Variants in GABBR2 observed in about 807,000 individuals in gnomAD.
GABBR2 encodes the protein gamma-aminobutyric acid type B receptor subunit 2.
GABBR2 carries 23 observed loss-of-function variants against 105.6 expected under a neutral mutation model. The observed-to-expected ratio is 0.22, with a 90% CI of 0.16 to 0.31. The LOEUF (loss-of-function observed/expected upper bound fraction) is 0.31. Among genes scored for constraint, GABBR2 ranks in the 10% least tolerant of loss-of-function variants. The pLI is 1.00. For missense variants in GABBR2, 734 were observed against 1,245.5 expected (o/e 0.59, Z 6.18); for synonymous variants, 478 against 499.7 (o/e 0.96, Z 0.58).
At chr9:98,539,277 T>C (rs562645070) in intron 3 of GABBR2, among the ~76,000 whole-genome samples, 1 of 152,352 alleles carries the variant, frequency 6.6e-6, no homozygotes, top group Admixed American at 6.5e-5. Context: ...TTTGGGAATC[T>C]ATAAGGCACA....
At position 98,523,937 on chromosome 9, in the gene GABBR2, C is replaced by T. The variant is rs140635248; in HGVS notation, c.630+17936G>A. ...GAATTTAAGATGTTAATAACAATTA[C>T]ATCAATAAAAGAAGCAAACTATCTA... On this transcript the variant is annotated intron_variant, in intron 3 of 18. Coordinates refer to ENST00000259455, the MANE Select transcript of GABBR2 (RefSeq NM_005458.8). Among the ~76,000 whole-genome samples, 77 of 151,974 alleles carry T rather than the reference C, an allele frequency of 5.1e-4. 1 individual carries two copies. Among genetic ancestry groups the T allele is most frequent in the African/African-American group, 1.5e-3 (63 of 41,420 alleles).
intron 1 of GABBR2, among the ~76,000 whole-genome samples, chr9:98,595,115 G>A (rs760124192): frequency 7.9e-5 from 12 of 152,062 alleles, no homozygotes; most frequent in Non-Finnish European, 1.2e-4. Context: ...ATTTCCCACC[G>A]TTCTGGAGGC....
At chr9:98,293,122 T>C (rs1830327163) in intron 18 of GABBR2, among the ~76,000 whole-genome samples, 1 of 152,228 alleles carries the variant, frequency 6.6e-6, no homozygotes, top group Admixed American at 6.5e-5. Context: ...TCAAAGTTTG[T>C]ATTTCCAGCT....
intron 3 of GABBR2, among the ~76,000 whole-genome samples, chr9:98,524,697 C>G (rs146563155): frequency 3.3e-5 from 5 of 152,292 alleles, no homozygotes; most frequent in African/African-American, 1.2e-4. Flanking sequence ...ATCTTGTCAG[C>G]TCTACTGTCA....
At chr9:98,556,322 C>T (rs1036588645) in intron 2 of GABBR2, among the ~76,000 whole-genome samples, 1 of 152,150 alleles carries the variant, frequency 6.6e-6, no homozygotes, top group Admixed American at 6.5e-5. Context: ...GGGCACCTCA[C>T]AGCCCCAATC....
At position 98,514,403 on chromosome 9, in the gene GABBR2, A is replaced by G. The variant is rs1827716067; in HGVS notation, c.631-17889T>C. ...CATGTACCCTAAAACTTAAAGTATAATAATAATAATAATAATAATAAAAAA... is the reference window on the plus strand; with the variant it reads ...CATGTACCCTAAAACTTAAAGTATAGTAATAATAATAATAATAATAAAAAA... On this transcript the variant is annotated intron_variant, in intron 3 of 18. Coordinates refer to ENST00000259455, the MANE Select transcript of GABBR2 (RefSeq NM_005458.8). Among the ~76,000 whole-genome samples, 2 of 2,452 alleles carry G rather than the reference A, an allele frequency of 8.2e-4. 1 individual carries two copies. The highest frequency in any genetic ancestry group is 1.3e-3 in the Non-Finnish European group (2 of 1,568). The allele number at this position is 2,452 out of a possible 152,430, so 1.6% of individuals were successfully genotyped here.
intron 1 of GABBR2, chr9:98,606,953 GGCTCCGCCTGCATCCAAACCGCT>G (rs1395575209): frequency 2.7e-6 from 2 of 730,330 alleles, no homozygotes; most frequent in African/African-American, 3.5e-5. Flanking sequence ...GCTTGCCCGC[GGCTCCGCCTGCATCCAAACCGCT>G]GCTCGCCCCA....
chr9:98,434,613 C>T (rs772150757), intron 7 of GABBR2, among the ~76,000 whole-genome samples: 2 of 152,194 alleles, frequency 1.3e-5, no homozygotes, highest in Non-Finnish European at 2.9e-5. Context: ...CTGATATACA[C>T]CAATTCCAAC....
intron 7 of GABBR2, among the ~76,000 whole-genome samples, chr9:98,409,979 C>G (rs558955443): frequency 6.6e-6 from 1 of 152,298 alleles, no homozygotes; most frequent in South Asian, 2.1e-4. Context: ...TTTCTTGCCA[C>G]CTGAAGGAGC....
chr9:98,629,733 A>G (rs1588259847), intron 1 of GABBR2, among the ~76,000 whole-genome samples: 2 of 152,188 alleles, frequency 1.3e-5, no homozygotes, highest in Admixed American at 1.3e-4. Context: ...GTGTAAGCCA[A>G]TGAGAACATA....
At position 98,349,344 on chromosome 9, in the gene GABBR2, G is replaced by GTTTTTTT. The variant is rs1564026872; in HGVS notation, c.1893+13370_1893+13371insAAAAAAA. Among the ~76,000 whole-genome samples the GTTTTTTT allele has an allele frequency of 7.9e-4, 83 of 105,484 alleles. 16 individuals are homozygous for GTTTTTTT. Among genetic ancestry groups the GTTTTTTT allele is most frequent in the Middle Eastern group, 0.011 (2 of 188 alleles). The allele number at this position is 105,484 out of a possible 152,430, so 69.2% of individuals were successfully genotyped here. A position where few individuals can be genotyped will look rare whatever the true frequency, so the allele number is the denominator to read the frequency against. The stretch of plus-strand genomic sequence containing the variant: ...TTTGGTTTGCCAATATTTTGTTGAA[G>GTTTTTTT]TTTTGTTTTTTTTTTTTTTTTTTTT... On this transcript the variant is annotated intron_variant, in intron 13 of 18. Coordinates refer to ENST00000259455, the MANE Select transcript of GABBR2 (RefSeq NM_005458.8).
chr9:98,434,712 G>A (rs1049113351), intron 7 of GABBR2, among the ~76,000 whole-genome samples: 4 of 152,172 alleles, frequency 2.6e-5, no homozygotes, highest in Admixed American at 6.5e-5. Flanking sequence ...CCGCAGCCCT[G>A]TATAAGCCCC....
At chr9:98,655,389 A>C (rs958960912) in intron 1 of GABBR2, among the ~76,000 whole-genome samples, 1 of 152,152 alleles carries the variant, frequency 6.6e-6, no homozygotes, top group Non-Finnish European at 1.5e-5. Context: ...TTTAAAAAAA[A>C]AGCCTTTAAA....
intron 11 of GABBR2, among the ~76,000 whole-genome samples, chr9:98,372,323 AC>A (rs1158334220): frequency 1.3e-5 from 2 of 151,978 alleles, no homozygotes; most frequent in African/African-American, 4.8e-5. Context: ...ACCCTCTAAT[AC>A]CCAGGAGACG....
At chr9:98,405,172 G>T (rs781273246) in intron 8 of GABBR2, among the ~76,000 whole-genome samples, 1 of 152,106 alleles carries the variant, frequency 6.6e-6, no homozygotes, top group Admixed American at 6.6e-5. Flanking sequence ...GCAAAATGTC[G>T]ATAATGATTG....
chr9:98,496,144 G>A, intron 4 of GABBR2: 1 of 470,532 alleles, frequency 2.1e-6, no homozygotes, highest in South Asian at 2.5e-5. Context: ...TGCCCTGCTT[G>A]CCCCTGAGGC....
intron 7 of GABBR2, among the ~76,000 whole-genome samples, chr9:98,410,607 C>G (rs980574163): frequency 6.6e-6 from 1 of 150,750 alleles, no homozygotes; most frequent in African/African-American, 2.4e-5. Context: ...ATTCCTGAAC[C>G]GTTGGAGTGT....
intron 17 of GABBR2, among the ~76,000 whole-genome samples, chr9:98,296,489 T>A (rs1366122679): frequency 6.6e-6 from 1 of 152,248 alleles, no homozygotes; most frequent in African/African-American, 2.4e-5. Flanking sequence ...GATTTCTGTT[T>A]CAACCAGCAG....
At chr9:98,560,514 A>G (rs1047715176) in intron 2 of GABBR2, among the ~76,000 whole-genome samples, 1 of 151,932 alleles carries the variant, frequency 6.6e-6, no homozygotes, top group Admixed American at 6.6e-5. Context: ...AAATACACAT[A>G]CACACATACA....
Sources: gnomAD v4.1 joint callset for allele counts (sites outside exome capture counted in the v4.1 genomes callset) on GRCh38, gnomAD v4.1.1 for gene constraint, MANE v1.5 for transcripts, NCBI Gene and HGNC (gene_info 2026-07-23, HGNC 2026-07-21) for gene names.